Variants in ANKRD44 observed in about 807,000 individuals in gnomAD.
The protein encoded by ANKRD44 is ankyrin repeat domain 44.
A neutral mutation model predicts 116.0 loss-of-function variants in ANKRD44; 35 were observed. The observed-to-expected ratio is 0.30, with a 90% CI of 0.23 to 0.40. The LOEUF (loss-of-function observed/expected upper bound fraction) is 0.40, where lower values mean the gene tolerates loss of function less well. ANKRD44 is among the 10% of genes least tolerant of loss of function. The probability of loss-of-function intolerance (pLI) is 1.00; values close to 1 mark genes in which losing one functional copy is unlikely to be tolerated. For synonymous variants in ANKRD44, 435 were observed against 461.8 expected (o/e 0.94, Z 0.74); for missense variants, 1,014 against 1,242.6 (o/e 0.82, Z 2.77).
At chr2:197,276,228 T>C (rs533828198) in intron 1 of ANKRD44, among the ~76,000 whole-genome samples, 15 of 140,740 alleles carry the variant, frequency 1.1e-4, no homozygotes, top group Admixed American at 2.3e-4. Flanking sequence ...GGGGCTGAAA[T>C]CATGCCACCG....
At chr2:197,264,267 ATCTTC>A (rs775916908) in intron 1 of ANKRD44, among the ~76,000 whole-genome samples, 12 of 152,222 alleles carry the variant, frequency 7.9e-5, no homozygotes, top group Non-Finnish European at 1.8e-4. Context: ...TCATGGAGTC[ATCTTC>A]TCAGTCTTGG....
At chr2:197,066,834 A>G (rs2077443638) in intron 16 of ANKRD44, among the ~76,000 whole-genome samples, 1 of 152,200 alleles carries the variant, frequency 6.6e-6, no homozygotes. Context: ...GGAAGAATCA[A>G]TATCGTGAAA....
At chr2:197,284,400 A>T (rs1308628845) in intron 1 of ANKRD44, among the ~76,000 whole-genome samples, 1 of 152,070 alleles carries the variant, frequency 6.6e-6, no homozygotes, top group Non-Finnish European at 1.5e-5. Flanking sequence ...AGAAGGAAAA[A>T]AACTACTTAA....
At position 196,998,354 on chromosome 2, in the gene ANKRD44, G is replaced by T; in HGVS notation, c.2731C>A (p.His911Asn). ...VKDKDLNTPL[H>N]LACSKGHEKC... ...TTACATACTTTACTACAAGCCAAAT[G>T]TAAGGGTGTATTCAAGTCCTTATCC... The change falls in exon 25 of 28, where the codon CAT (histidine) becomes AAT (asparagine). Residue 911 changes from histidine to asparagine, a missense_variant. Coordinates refer to ENST00000282272, the MANE Select transcript of ANKRD44 (RefSeq NM_001195144.2). The T allele has an allele frequency of 1.9e-6, 3 of 1,612,884 alleles. No individual in the cohort carries two copies. Among genetic ancestry groups the T allele is most frequent in the Non-Finnish European group, 2.5e-6 (3 of 1,179,066 alleles).
chr2:197,305,967 T>TATATATATATATATATATATATA (rs2084057380), intron 1 of ANKRD44, among the ~76,000 whole-genome samples: 2 of 124,732 alleles, frequency 1.6e-5, no homozygotes, highest in African/African-American at 7.3e-5. Flanking sequence ...GCAGTTCGTT[T>TATATATATATATATATATATATA]TATATATATA....
At chr2:197,292,729 T>C (rs1436180086) in intron 1 of ANKRD44, among the ~76,000 whole-genome samples, 1 of 152,184 alleles carries the variant, frequency 6.6e-6, no homozygotes, top group Non-Finnish European at 1.5e-5. Context: ...TGGCCCAGCA[T>C]GGCCATCCTC....
Position 197,228,179 on chromosome 2 carries a change from C to T in ANKRD44, c.28-41073G>A, listed in dbSNP as rs185618480. 1.9e-3 allele frequency among the ~76,000 whole-genome samples: 287 copies of T among 152,268 alleles called. 1 individual carries two copies. Among genetic ancestry groups the T allele is most frequent in the African/African-American group, 6.8e-3 (281 of 41,564 alleles). ...TGACAAGGTTGACATTAGATAATTA[C>T]ATAAAGAGCTTAGCTTAGTGGCTGG... On this transcript the variant is annotated intron_variant, in intron 1 of 27. Coordinates refer to ENST00000282272, the MANE Select transcript of ANKRD44 (RefSeq NM_001195144.2).
At chr2:197,009,117 G>C in intron 18 of ANKRD44, 86 bp from the exon 19 acceptor site, 3 of 1,143,966 alleles carry the variant, frequency 2.6e-6, no homozygotes, top group Non-Finnish European at 3.9e-6. Flanking sequence ...TTTTGAGATG[G>C]AGTCTTGCTC....
intron 1 of ANKRD44, among the ~76,000 whole-genome samples, chr2:197,279,650 T>G (rs1005843647): frequency 2.0e-5 from 3 of 152,194 alleles, no homozygotes; most frequent in African/African-American, 4.8e-5. Context: ...TGCTCCCAAA[T>G]GCACCCTTCC....
At chr2:197,130,879 T>C (rs1357863867) in intron 4 of ANKRD44, among the ~76,000 whole-genome samples, 1 of 152,232 alleles carries the variant, frequency 6.6e-6, no homozygotes, top group Non-Finnish European at 1.5e-5. Flanking sequence ...AAGATCTGTA[T>C]ACCAGTTGGG....
At chr2:196,967,487 T>C (rs1350326434) in intron 21 of ANKRD44, 1 of 453,090 alleles carries the variant, frequency 2.2e-6, no homozygotes, top group Non-Finnish European at 4.6e-6. Flanking sequence ...AGAAAAAGTG[T>C]GCAATTATGT....
intron 2 of ANKRD44, among the ~76,000 whole-genome samples, chr2:197,152,714 A>G (rs1033315171): frequency 6.6e-6 from 1 of 152,228 alleles, no homozygotes; most frequent in Non-Finnish European, 1.5e-5. Context: ...TACTGTGTAG[A>G]CAGGCAGACT....
At chr2:197,184,367 C>T (rs2080596030) in intron 2 of ANKRD44, among the ~76,000 whole-genome samples, 1 of 151,932 alleles carries the variant, frequency 6.6e-6, no homozygotes, top group Non-Finnish European at 1.5e-5. Context: ...GGTGGCCGGG[C>T]GCAGTAGCTC....
intron 1 of ANKRD44, among the ~76,000 whole-genome samples, chr2:197,197,079 T>C (rs989933209): frequency 2.0e-5 from 3 of 152,146 alleles, no homozygotes; most frequent in African/African-American, 7.2e-5. Flanking sequence ...CTGCCTGAGA[T>C]GACTGGAAGG....
chr2:197,291,471 T>C (rs998107447), intron 1 of ANKRD44, among the ~76,000 whole-genome samples: 61 of 151,964 alleles, frequency 4.0e-4, no homozygotes, highest in African/African-American at 1.4e-3. Context: ...GATCATGCCA[T>C]TGCACTCCAG....
At chr2:197,310,429 C>G in intron 1 of ANKRD44, 149 bp downstream of exon 1, 1 of 399,230 alleles carries the variant, frequency 2.5e-6, no homozygotes, top group Non-Finnish European at 3.4e-6. Flanking sequence ...GCCGCGGGCT[C>G]TCGGAGGCAC....
At chr2:197,229,965 G>A (rs1046156965) in intron 1 of ANKRD44, among the ~76,000 whole-genome samples, 1 of 152,056 alleles carries the variant, frequency 6.6e-6, no homozygotes, top group Non-Finnish European at 1.5e-5. Flanking sequence ...TGTCAAACAT[G>A]TTGAAAATCA....
At chr2:197,004,866 C>G (rs918657363) in intron 21 of ANKRD44, among the ~76,000 whole-genome samples, 6 of 152,008 alleles carry the variant, frequency 3.9e-5, no homozygotes, top group Non-Finnish European at 7.4e-5. Context: ...CCACAGAAAC[C>G]TGGTTGAATA....
rs546947070 is a variant in ANKRD44, at chr2:197,163,141, C to T, written c.112-16036G>A. Among the ~76,000 whole-genome samples the T allele has an allele frequency of 3.3e-5, 5 of 152,360 alleles. No homozygotes were observed. In the South Asian group the frequency reaches 1.0e-3, roughly 32 times the overall value. On this transcript the variant is annotated intron_variant, in intron 2 of 27. Transcript: ENST00000282272. Reference sequence around the variant, plus strand: ...TGTTTGACCATCTCAGAACCCTCAGCCCTTCAGGCTTCCTATCAATTCTGT... The same window carrying T: ...TGTTTGACCATCTCAGAACCCTCAGTCCTTCAGGCTTCCTATCAATTCTGT...
Sources: gnomAD v4.1 joint callset for allele counts (sites outside exome capture counted in the v4.1 genomes callset) on GRCh38, gnomAD v4.1.1 for gene constraint, MANE v1.5 for transcripts, NCBI Gene and HGNC (gene_info 2026-07-23, HGNC 2026-07-21) for gene names.